RIMS3: variants seen among roughly 807,000 people sequenced by gnomAD.
RIMS3 encodes regulating synaptic membrane exocytosis protein 3.
A neutral mutation model predicts 29.2 loss-of-function variants in RIMS3; 15 were observed. That is an observed-to-expected ratio of 0.51 (90% CI 0.34 to 0.79). The LOEUF (loss-of-function observed/expected upper bound fraction) is 0.79. Among genes scored for constraint, RIMS3 ranks in the 30% least tolerant of loss-of-function variants. The pLI is 0.01. For missense variants in RIMS3, 342 were observed against 421.4 expected, an observed-to-expected ratio of 0.81 and a Z score of 1.65; for synonymous variants, 161 against 170.1, an observed-to-expected ratio of 0.95 and a Z score of 0.41.
upstream of RIMS3, among the ~76,000 whole-genome samples, chr1:40,666,193 T>A (rs1642423234): frequency 6.6e-6 from 1 of 152,126 alleles, no homozygotes; most frequent in African/African-American, 2.4e-5. Flanking sequence ...CAGAAGGAAG[T>A]AGAGTGGCCG....
chr1:40,656,647 G>A (rs1642277030), intron 1 of RIMS3, among the ~76,000 whole-genome samples: 1 of 152,246 alleles, frequency 6.6e-6, no homozygotes, highest in Non-Finnish European at 1.5e-5. Flanking sequence ...GCCGGGCGTG[G>A]TGGTGCATGC....
At chr1:40,681,024 C>T in the RIMS3 span, among the ~76,000 whole-genome samples, 2 of 152,210 alleles carry the variant, frequency 1.3e-5, no homozygotes, top group African/African-American at 2.4e-5. Flanking sequence ...CTGACCTGTG[C>T]TCAGGGTCCC....
rs1203761480 is a variant in RIMS3 at position 40,654,159 on chromosome 1, CT to C, written c.-206-6318del. 6.6e-6 allele frequency among the ~76,000 whole-genome samples: 1 copy of C among 151,014 alleles called. No homozygotes were observed. The highest frequency in any genetic ancestry group is 2.0e-4 in the East Asian group (1 of 4,962). On this transcript the variant is annotated intron_variant, in intron 1 of 7. Coordinates refer to ENST00000372684, the MANE Select transcript of RIMS3 (RefSeq NM_014747.3). This position sits in a 1 kb window ranked among gnomAD's most constrained non-coding sequence, Gnocchi z 5.3. ...ATCTCCTCCCCTCCCCTTCCCGCCC[CT>C]CCCCCTCCCCGCCCCTCCCCCGCGC... is the stretch of plus-strand genomic sequence containing the variant.
the RIMS3 span, chr1:40,673,409 C>A: frequency 6.6e-6 from 1 of 152,198 alleles, no homozygotes; most frequent in Non-Finnish European, 1.5e-5. Context: ...TCTCTGAGAT[C>A]CTTCTTCTCA....
At chr1:40,638,410 T>G (rs1646534449) in intron 3 of RIMS3, among the ~76,000 whole-genome samples, 2 of 152,206 alleles carry the variant, frequency 1.3e-5, no homozygotes, top group Admixed American at 6.5e-5. Flanking sequence ...CCCTGCTGAT[T>G]TAAGGAATAA....
At chr1:40,675,920 C>A in the RIMS3 span, among the ~76,000 whole-genome samples, 1 of 151,596 alleles carries the variant, frequency 6.6e-6, no homozygotes, top group Non-Finnish European at 1.5e-5. Flanking sequence ...AGAGCAAGAC[C>A]CTGTCAAAAA....
the RIMS3 span, chr1:40,691,271 A>G: frequency 1.3e-5 from 2 of 158,942 alleles, no homozygotes; most frequent in South Asian, 2.6e-4. Context: ...TTAAGGTGCC[A>G]GTAGCTGTCT....
chr1:40,691,864 A>G, the RIMS3 span: 1 of 421,180 alleles, frequency 2.4e-6, no homozygotes, highest in Non-Finnish European at 4.8e-6. Context: ...ACTCCTGAGC[A>G]GAGGTGTGTG....
At chr1:40,659,922 C>T (rs1642327544) in intron 1 of RIMS3, among the ~76,000 whole-genome samples, 1 of 152,180 alleles carries the variant, frequency 6.6e-6, no homozygotes, top group Non-Finnish European at 1.5e-5. Context: ...GCTTTCATTC[C>T]AAGAAGGCTT....
In RIMS3 at chr1:40,622,289, G is replaced by C. The variant is rs1646425726; in HGVS notation, c.*4228C>G. 6.5e-6 allele frequency: 1 copy of C among 152,684 alleles called. No homozygotes were observed. 9.5% of individuals were successfully genotyped at this position (152,684 alleles called of 1,614,324 possible). A position where few individuals can be genotyped will look rare whatever the true frequency, so the allele number is the denominator to read the frequency against. On this transcript the variant is annotated 3_prime_UTR_variant, in exon 8 of 8. Coordinates refer to ENST00000372684, the MANE Select transcript of RIMS3 (RefSeq NM_014747.3). ...AAGAATCCTTTCCCAGCCAGACCAGGCCAGTCCAGCCCCCATCAGGGCTCA... is the reference window on the plus strand; with the variant it reads ...AAGAATCCTTTCCCAGCCAGACCAGCCCAGTCCAGCCCCCATCAGGGCTCA...
At chr1:40,639,372 T>A (rs1646541680) in intron 3 of RIMS3, among the ~76,000 whole-genome samples, 1 of 152,034 alleles carries the variant, frequency 6.6e-6, no homozygotes, top group South Asian at 2.1e-4. Context: ...CCTCAAGGCA[T>A]GGGGGCAAAA....
At chr1:40,676,147 C>A in the RIMS3 span, among the ~76,000 whole-genome samples, 1 of 152,150 alleles carries the variant, frequency 6.6e-6, no homozygotes, top group Non-Finnish European at 1.5e-5. Flanking sequence ...CCAGTCTTTA[C>A]AAGAAACTCC....
chr1:40,654,739 G>GAC lies in RIMS3; in HGVS notation c.-206-6899_-206-6898dup, dbSNP rs141237917. ...ATCGCATGAAGATACATTCACCACA[G>GAC]ACACACACACACACAGTGCACACAC... On this transcript the variant is annotated intron_variant, in intron 1 of 7. Transcript: ENST00000372684. The surrounding 1 kb of genome is among the most constrained non-coding windows in gnomAD (Gnocchi z 5.3). Among the ~76,000 whole-genome samples, 83 of 151,338 alleles carry GAC rather than the reference G, an allele frequency of 5.5e-4. No individual in the cohort carries two copies. The highest frequency in any genetic ancestry group is 9.9e-4 in the African/African-American group (41 of 41,220).
intron 5 of RIMS3, 84 bp downstream of exon 5, chr1:40,632,985 G>T: frequency 9.8e-7 from 1 of 1,015,244 alleles, no homozygotes; most frequent in Non-Finnish European, 1.6e-6. Flanking sequence ...CTCTACGATG[G>T]CCAATGCAGG....
At chr1:40,657,025 G>A (rs1277878372) in intron 1 of RIMS3, among the ~76,000 whole-genome samples, 3 of 152,122 alleles carry the variant, frequency 2.0e-5, no homozygotes, top group African/African-American at 7.2e-5. Flanking sequence ...AGCCTATTCT[G>A]GTAATAACAA....
At chr1:40,668,258 A>G (rs1642449680), upstream of RIMS3, among the ~76,000 whole-genome samples, 1 of 151,100 alleles carries the variant, frequency 6.6e-6, no homozygotes, top group Admixed American at 6.6e-5. Context: ...TCAAAAAAAA[A>G]AAAAAAAAAA....
At chr1:40,630,501 T>A (rs1646482827) in intron 5 of RIMS3, among the ~76,000 whole-genome samples, 1 of 152,180 alleles carries the variant, frequency 6.6e-6, no homozygotes, top group Non-Finnish European at 1.5e-5. Flanking sequence ...ATCTGAGCCA[T>A]CATGAAATTG....
chr1:40,656,487 TAA>T (rs1480147019), intron 1 of RIMS3, among the ~76,000 whole-genome samples: 1 of 152,058 alleles, frequency 6.6e-6, no homozygotes, highest in African/African-American at 2.4e-5. Context: ...GGAAAGTTGT[TAA>T]AGACACATTA....
intron 1 of RIMS3, among the ~76,000 whole-genome samples, chr1:40,661,608 A>T (rs1401077546): frequency 2.0e-5 from 3 of 152,178 alleles, no homozygotes; most frequent in Admixed American, 1.3e-4. Context: ...CCCAGAGTTG[A>T]TGTCAGCCCC....
Sources: allele counts gnomAD v4.1 joint callset (sites outside exome capture counted in the v4.1 genomes callset), GRCh38; gene constraint gnomAD v4.1.1; non-coding constraint Gnocchi (gnomAD v3.1); transcripts MANE v1.5; gene names NCBI Gene and HGNC (gene_info 2026-07-23, HGNC 2026-07-21).